Variants in RPL6 observed in about 807,000 individuals in gnomAD.
The protein encoded by RPL6 is ribosomal protein L6, also known as large ribosomal subunit protein eL6.
A neutral mutation model predicts 32.1 loss-of-function variants in RPL6; 1 was observed. The ratio of observed to expected loss-of-function variants is 0.03; its 90% confidence interval spans 0.01 to 0.15. The LOEUF is 0.15. Among genes scored for constraint, RPL6 ranks in the 10% least tolerant of loss-of-function variants. The pLI is 1.00. For missense variants in RPL6, 275 were observed against 354.6 expected, an observed-to-expected ratio of 0.78 and a Z score of 1.80; for synonymous variants, 126 against 131.6, an observed-to-expected ratio of 0.96 and a Z score of 0.29.
Position 112,408,330 on chromosome 12 carries a change from C to A in RPL6, c.246G>T (p.Lys82Asn). 1.2e-6 allele frequency: 2 copies of A among 1,614,192 alleles called. No individual in the cohort carries two copies. Among genetic ancestry groups the A allele is most frequent in the Non-Finnish European group, 1.7e-6 (2 of 1,180,038 alleles). ...KYSAAKSKVE[K>N]KKKEKVLATV... ...TTGCGAGAACCTTCTCCTTCTTTTT[C>A]TTTTCAACCTACAAGGACACAAATG... The change falls in exon 3 of 7, where the codon AAG becomes AAT. Residue 82 changes from lysine (K) to asparagine (N), a missense_variant. By Grantham distance (94) the Lys-to-Asn change is moderately conservative. Coordinates refer to ENST00000202773, the MANE Select transcript of RPL6 (RefSeq NM_000970.6).
At chr12:112,408,203 TA>T (rs1424997757) in intron 3 of RPL6, 36 bp downstream of exon 3, 2 of 1,465,174 alleles carry the variant, frequency 1.4e-6, no homozygotes, top group Non-Finnish European at 1.9e-6. Context: ...TATTCAAGCA[TA>T]AACAGAAAAT....
In RPL6 at chr12:112,409,537, G is replaced by A. The variant is rs1267648311; in HGVS notation, c.-1+50C>T. 1.8e-5 allele frequency: 7 copies of A among 398,500 alleles called. No homozygotes were observed. The Admixed American group carries it at 1.8e-4, about 10-fold the overall frequency. 24.7% of individuals were successfully genotyped at this position (398,500 alleles called of 1,614,324 possible). On this transcript the variant is annotated intron_variant, in intron 1 of 6. Coordinates refer to ENST00000202773, the MANE Select transcript of RPL6 (RefSeq NM_000970.6). ...ATGCCCTCCAGGTTCGGATGGCGAA[G>A]GATTGGGAGTCCTGAACTCAAGTCT...
intron 6 of RPL6, 35 bp downstream of exon 6, chr12:112,405,818 A>C: frequency 2.0e-6 from 3 of 1,532,988 alleles, no homozygotes; most frequent in Non-Finnish European, 2.7e-6. Flanking sequence ...TAGAAGGGCC[A>C]GTGCTAACAC....
chr12:112,406,955 G>A (rs2037189162), intron 3 of RPL6, 65 bp from the exon 4 acceptor site: 3 of 1,559,800 alleles, frequency 1.9e-6, no homozygotes, highest in Non-Finnish European at 1.8e-6. Context: ...AGCAAGCTAT[G>A]TCAGCCAAAC....
intron 4 of RPL6, 50 bp from the exon 5 acceptor site, chr12:112,406,392 T>C: frequency 6.7e-7 from 1 of 1,493,480 alleles, no homozygotes; most frequent in Non-Finnish European, 9.3e-7. Context: ...AAAACTGACT[T>C]CTGAATTCAT....
intron 1 of RPL6, chr12:112,418,636 G>C: frequency 3.5e-6 from 1 of 285,472 alleles, no homozygotes. Context: ...CTAATGAGTG[G>C]AGCGGCGATT....
upstream of RPL6, among the ~76,000 whole-genome samples, chr12:112,414,720 G>A (rs1268205122): frequency 2.6e-5 from 4 of 151,994 alleles, no homozygotes; most frequent in East Asian, 1.9e-4. Context: ...TGGCTAATGC[G>A]GTGAAACCCT....
chr12:112,412,984 T>C (rs1199817092), upstream of RPL6, among the ~76,000 whole-genome samples: 1 of 152,004 alleles, frequency 6.6e-6, no homozygotes, highest in Non-Finnish European at 1.5e-5. Flanking sequence ...ATATGTGTTA[T>C]GTATGTGTGT....
chr12:112,416,102 G>C (rs921512310), intron 1 of RPL6, among the ~76,000 whole-genome samples: 9 of 148,032 alleles, frequency 6.1e-5, no homozygotes, highest in Non-Finnish European at 1.0e-4. Flanking sequence ...GGGACTACAG[G>C]TGCCTGCCAC....
intron 4 of RPL6, 22 bp downstream of exon 4, chr12:112,406,725 C>A: frequency 6.2e-7 from 1 of 1,613,362 alleles, no homozygotes; most frequent in Non-Finnish European, 8.5e-7. Context: ...CAGTGAAGCG[C>A]CCCAAGCACA....
upstream of RPL6, chr12:112,409,625 G>A (rs2037300637): frequency 2.5e-6 from 1 of 397,594 alleles, no homozygotes; most frequent in Non-Finnish European, 4.4e-6. Flanking sequence ...CCCGGCTTCC[G>A]GTCTATAAGC....
chr12:112,405,518 G>A, intron 6 of RPL6, 142 bp from the exon 7 acceptor site: 2 of 891,588 alleles, frequency 2.2e-6, no homozygotes, highest in East Asian at 2.7e-5. Flanking sequence ...TCCTTTCCTT[G>A]GAATGCTGTG....
chr12:112,405,398 C>T, intron 6 of RPL6, 22 bp from the exon 7 acceptor site: 1 of 1,609,482 alleles, frequency 6.2e-7, no homozygotes, highest in Non-Finnish European at 8.5e-7. Context: ...GAAAATCAAA[C>T]ATTTTAAAAC....
rs1464825982 is a variant in RPL6, at chr12:112,406,352, A to G, written c.481-10T>C. The G allele has an allele frequency of 6.2e-7, 1 of 1,609,666 alleles. No homozygotes were observed. The highest frequency in any genetic ancestry group is 1.1e-5 in the South Asian group (1 of 90,734). On this transcript the variant is annotated splice_polypyrimidine_tract_variant and intron_variant, in intron 4 of 6. Transcript: ENST00000202773. Reference sequence around the variant, plus strand: ...TCAGGAAAACCACCCTCTGTAAGTTAAAAAGAAAATAATTAGTTTTCTGCA... The same window carrying G: ...TCAGGAAAACCACCCTCTGTAAGTTGAAAAGAAAATAATTAGTTTTCTGCA...
Position 112,406,202 on chromosome 12 carries a change from C to G in RPL6, c.529+92G>C, listed in dbSNP as rs867965408. On this transcript the variant is annotated intron_variant, in intron 5 of 6. Transcript: ENST00000202773. ...CTCAGACACTTGTGGCAATAAGTGT[C>G]TACCATGTAGGCAGTAGCAAACAAA... is the stretch of plus-strand genomic sequence containing the variant. The G allele has an allele frequency of 3.9e-5, 50 of 1,278,714 alleles. 3 individuals carry two copies. In the Middle Eastern group the frequency reaches 6.5e-3, roughly 167 times the overall value. 79.2% of individuals were successfully genotyped at this position (1,278,714 alleles called of 1,614,324 possible).
chr12:112,414,766 G>C (rs767756614), upstream of RPL6, among the ~76,000 whole-genome samples: 1 of 152,082 alleles, frequency 6.6e-6, no homozygotes, highest in African/African-American at 2.4e-5. Context: ...TTAGCCGGGC[G>C]TGGTGGCAGG....
Position 112,406,328 on chromosome 12 carries a change from C to T in RPL6, c.495G>A (p.Leu165=). 1 of 1,613,350 alleles carries T rather than the reference C, an allele frequency of 6.2e-7. No homozygotes were observed. Among genetic ancestry groups the T allele is most frequent in the Non-Finnish European group, 8.5e-7 (1 of 1,179,272 alleles). ...GRHRGKRVVF[L]KQLASGLLLV... is the part of the protein sequence containing the mutation. ...GTAATAAGCCACTAGCCAGCTGCTTCAGGAAAACCACCCTCTGTAAGTTAA... is the reference window on the plus strand; with the variant it reads ...GTAATAAGCCACTAGCCAGCTGCTTTAGGAAAACCACCCTCTGTAAGTTAA... Residue 165 remains leucine, a synonymous_variant, in exon 5 of 7, where the codon CTG becomes CTA. Transcript: ENST00000202773.
upstream of RPL6, among the ~76,000 whole-genome samples, chr12:112,414,465 T>C (rs2037378111): frequency 6.6e-6 from 1 of 152,234 alleles, no homozygotes. Flanking sequence ...CCAGCTTTTA[T>C]CAAGTGCTGA....
intron 1 of RPL6, chr12:112,409,288 G>A (rs2089094033): frequency 5.1e-6 from 2 of 391,184 alleles, no homozygotes; most frequent in Non-Finnish European, 9.0e-6. Context: ...CACAGTGCAC[G>A]CGCCGTCTCC....
Sources: gnomAD v4.1 joint callset for allele counts (sites outside exome capture counted in the v4.1 genomes callset) on GRCh38, gnomAD v4.1.1 for gene constraint, MANE v1.5 for transcripts, NCBI Gene and HGNC (gene_info 2026-07-23, HGNC 2026-07-21) for gene names.